SEPTIN9: variants seen among roughly 807,000 people sequenced by gnomAD.
The protein encoded by SEPTIN9 is septin 9, also known as septin-9.
A neutral mutation model predicts 56.6 loss-of-function variants in SEPTIN9; 13 were observed. The observed-to-expected ratio is 0.23, with a 90% confidence interval of 0.15 to 0.37. The LOEUF (loss-of-function observed/expected upper bound fraction) is 0.37. Among genes scored for constraint, SEPTIN9 ranks in the 10% least tolerant of loss-of-function variants. The pLI is 1.00. For synonymous variants in SEPTIN9, 332 were observed against 334.1 expected, an observed-to-expected ratio of 0.99 and a Z score of 0.07; for missense variants, 650 against 823.1, an observed-to-expected ratio of 0.79 and a Z score of 2.57.
intron 2 of SEPTIN9, among the ~76,000 whole-genome samples, chr17:77,328,695 A>C (rs970964509): frequency 9.9e-5 from 15 of 152,170 alleles, no homozygotes; most frequent in African/African-American, 3.6e-4. Context: ...GAGGCCTACT[A>C]TGTGCAGCCC....
intron 2 of SEPTIN9, among the ~76,000 whole-genome samples, chr17:77,393,663 C>T (rs1271674987): frequency 2.0e-5 from 3 of 152,190 alleles, no homozygotes; most frequent in Admixed American, 6.5e-5. Flanking sequence ...AATCTCGGCT[C>T]ACCACAACCT....
chr17:77,351,297 T>C lies in SEPTIN9; in HGVS notation c.76+44100T>C, dbSNP rs77571008. 0.01 allele frequency among the ~76,000 whole-genome samples: 1,576 copies of C among 151,418 alleles called. 93 individuals are homozygous for C. The East Asian group carries it at 0.19, about 18-fold the overall frequency. On this transcript the variant is annotated intron_variant, in intron 2 of 11. Coordinates refer to ENST00000427177, the MANE Select transcript of SEPTIN9 (RefSeq NM_001113491.2). ...AGTCAGGGGCGAGCACTCCTGTGGA[T>C]TGTACCTAGGCCTGGCAGGAAACCG...
At chr17:77,399,093 A>G (rs2035819883) in intron 2 of SEPTIN9, among the ~76,000 whole-genome samples, 1 of 152,220 alleles carries the variant, frequency 6.6e-6, no homozygotes, top group South Asian at 2.1e-4. Flanking sequence ...GGGAGGGGCC[A>G]GCTCCGGTTC....
rs1598189424 is a variant in SEPTIN9 at position 77,321,328 on chromosome 17, A to T, written c.76+14131A>T. ...GGGGGGTCCCTGAGAGGCCTGAGAG[A>T]GGGAGGCCCATCTCGGTGGCTCCTC... On this transcript the variant is annotated intron_variant, in intron 2 of 11. Transcript: ENST00000427177. Among the ~76,000 whole-genome samples, 3 of 148,022 alleles carry T rather than the reference A, an allele frequency of 2.0e-5. No homozygotes were observed. In the East Asian group the frequency reaches 6.0e-4, roughly 30 times the overall value.
rs892603508 is a variant in SEPTIN9 at position 77,434,261 on chromosome 17, A to C, written c.721+31558A>C. On this transcript the variant is annotated intron_variant, in intron 3 of 11. Transcript: ENST00000427177. The surrounding 1 kb of genome is among the most constrained non-coding windows in gnomAD (Gnocchi z 5.0). ...GGGTTCTGGCTCCAGGCCCAGCCCC[A>C]GCCCCTGTCAGACTTACCCTCCTTG... 3.0e-4 allele frequency among the ~76,000 whole-genome samples: 45 copies of C among 152,242 alleles called. No individual in the cohort carries two copies. Among genetic ancestry groups the C allele is most frequent in the African/African-American group, 1.1e-3 (44 of 41,554 alleles).
At chr17:77,414,094 T>C (rs1041482194) in intron 3 of SEPTIN9, among the ~76,000 whole-genome samples, 2 of 152,198 alleles carry the variant, frequency 1.3e-5, no homozygotes, top group African/African-American at 4.8e-5. Context: ...ATTTATTTTT[T>C]TGAGACGGAG....
At chr17:77,351,263 A>ACG (rs2034056154) in intron 2 of SEPTIN9, among the ~76,000 whole-genome samples, 1 of 141,962 alleles carries the variant, frequency 7.0e-6, no homozygotes, top group Non-Finnish European at 1.5e-5. Flanking sequence ...ACACACACAC[A>ACG]CACACACGAG....
rs576772582 is a variant in SEPTIN9, at chr17:77,491,632, C to T, written c.1380+773C>T. 2.6e-5 allele frequency among the ~76,000 whole-genome samples: 4 copies of T among 151,614 alleles called. No homozygotes were observed. In the East Asian group the frequency reaches 8.0e-4, roughly 30 times the overall value. On this transcript the variant is annotated intron_variant, in intron 8 of 11. Transcript: ENST00000427177. ...GTTTGAGGCCAACATGATGAAACCC[C>T]ATCTCTACTAAAAATACAAAAATAT...
chr17:77,488,312 A>G lies in SEPTIN9; in HGVS notation c.1115A>G (p.Asn372Ser), dbSNP rs1342513989. Residue 372 changes from asparagine to serine, a missense_variant, in exon 6 of 12, where the codon AAC (asparagine) becomes AGC (serine). Asn to Ser is a conservative substitution (Grantham distance 46). Coordinates refer to ENST00000427177, the MANE Select transcript of SEPTIN9 (RefSeq NM_001113491.2). Reference protein sequence around the residue: ...DTPGFGDHINNENCWQPIMKF... With the variant: ...DTPGFGDHINSENCWQPIMKF... ...CCAGGGTTCGGGGACCACATCAACA[A>G]CGAGAACTGGTGAGGCCCCTCCAGG... 3 of 1,613,142 alleles carry G rather than the reference A, an allele frequency of 1.9e-6. No individual in the cohort carries two copies. The highest frequency in any genetic ancestry group is 1.3e-5 in the African/African-American group (1 of 74,902).
chr17:77,451,414 T>A lies in SEPTIN9; in HGVS notation c.722-30730T>A. The A allele has an allele frequency of 1.0e-6, 1 of 985,656 alleles. No homozygotes were observed. Among genetic ancestry groups the A allele is most frequent in the African/African-American group, 1.7e-5 (1 of 57,362 alleles). The allele number at this position is 985,656 out of a possible 1,614,324, so 61.1% of individuals were successfully genotyped here. A position where few individuals can be genotyped will look rare whatever the true frequency, so the allele number is the denominator to read the frequency against. ...TCTGCCCCGCGCTCTGGGAGGCTCC[T>A]TGTTCCGCGACCACAAAGCCCCTTT... On this transcript the variant is annotated intron_variant, in intron 3 of 11. Coordinates refer to ENST00000427177, the MANE Select transcript of SEPTIN9 (RefSeq NM_001113491.2). The surrounding 1 kb of genome is among the most constrained non-coding windows in gnomAD (Gnocchi z 4.2).
chr17:77,478,226 G>A (rs1024339009), intron 3 of SEPTIN9, among the ~76,000 whole-genome samples: 10 of 152,120 alleles, frequency 6.6e-5, no homozygotes, highest in African/African-American at 2.4e-4. Context: ...TATGAAATGT[G>A]GCTATTTAAA....
intron 2 of SEPTIN9, among the ~76,000 whole-genome samples, chr17:77,396,060 G>A (rs759547581): frequency 3.3e-5 from 5 of 152,186 alleles, no homozygotes; most frequent in Admixed American, 2.0e-4. Flanking sequence ...GGGAGCTTGC[G>A]AGATTGGAGT....
intron 3 of SEPTIN9, among the ~76,000 whole-genome samples, chr17:77,406,417 T>G (rs975575380): frequency 6.6e-6 from 1 of 152,044 alleles, no homozygotes; most frequent in Non-Finnish European, 1.5e-5. Context: ...TATAAATGAT[T>G]TGTGTATAAA....
At chr17:77,391,994 A>G (rs1272713244) in intron 2 of SEPTIN9, among the ~76,000 whole-genome samples, 4 of 152,156 alleles carry the variant, frequency 2.6e-5, no homozygotes, top group African/African-American at 9.7e-5. Flanking sequence ...CCGTTTCTGG[A>G]AGGAATGCTG....
At chr17:77,482,978 C>A (rs530428548) in intron 4 of SEPTIN9, 1 of 176,932 alleles carries the variant, frequency 5.7e-6, no homozygotes. Flanking sequence ...CAGGCAGAAG[C>A]GAGGCTCAGG....
At chr17:77,465,002 T>C (rs886161698) in intron 3 of SEPTIN9, among the ~76,000 whole-genome samples, 5 of 152,092 alleles carry the variant, frequency 3.3e-5, no homozygotes, top group Non-Finnish European at 7.4e-5. Context: ...CATTCCCAAC[T>C]CCGGGCTCTC....
intron 2 of SEPTIN9, among the ~76,000 whole-genome samples, chr17:77,348,294 G>GGTT (rs1555650040): frequency 2.2e-5 from 2 of 89,754 alleles, no homozygotes; most frequent in Non-Finnish European, 4.0e-5. Context: ...TTTAATTTAT[G>GGTT]TTTTTTTTTT....
intron 3 of SEPTIN9, among the ~76,000 whole-genome samples, chr17:77,481,353 A>G (rs956880154): frequency 7.9e-5 from 12 of 152,212 alleles, no homozygotes; most frequent in Admixed American, 7.2e-4. Flanking sequence ...GGCCAGGCAC[A>G]CAAGACGGCC....
At chr17:77,452,966 C>T (rs1053803493) in intron 3 of SEPTIN9, among the ~76,000 whole-genome samples, 1 of 151,258 alleles carries the variant, frequency 6.6e-6, no homozygotes, top group East Asian at 1.9e-4. Context: ...TGGTGTGGCT[C>T]GCCTTTTTTA....
Sources: allele counts gnomAD v4.1 joint callset (sites outside exome capture counted in the v4.1 genomes callset), GRCh38; gene constraint gnomAD v4.1.1; non-coding constraint Gnocchi (gnomAD v3.1); transcripts MANE v1.5; gene names NCBI Gene and HGNC (gene_info 2026-07-23, HGNC 2026-07-21).